The following C10orf71 variants were observed in gnomAD, a reference collection of about 807,000 sequenced individuals.
C10orf71 encodes the protein cardiac-enriched FHL2-interacting protein.
For synonymous variants in C10orf71, 758 were observed against 726.3 expected (o/e 1.04, Z -0.70); for missense variants, 1,869 against 1,804.5 (o/e 1.04, Z -0.65).
chr10:49,322,478 T>C lies in C10orf71; in HGVS notation c.-68T>C. On this transcript the variant is annotated 5_prime_UTR_variant, in exon 3 of 3. It removes the in-frame stop codon of an upstream open reading frame in the 5' UTR. Coordinates refer to ENST00000374144, the MANE Select transcript of C10orf71 (RefSeq NM_001135196.2). Reference sequence around the variant, plus strand: ...TAGTTTTGGGGAAGAGGGAAACACCTAACCTTGACAGAATCATCACCAGAG... The same window carrying C: ...TAGTTTTGGGGAAGAGGGAAACACCCAACCTTGACAGAATCATCACCAGAG... The C allele has an allele frequency of 9.4e-6, 14 of 1,482,098 alleles. No individual in the cohort carries two copies. Among genetic ancestry groups the C allele is most frequent in the Non-Finnish European group, 1.3e-5 (14 of 1,112,170 alleles). The allele number at this position is 1,482,098 out of a possible 1,614,324, so 91.8% of individuals were successfully genotyped here.
chr10:49,307,201 G>A (rs12572137), intron 1 of C10orf71, among the ~76,000 whole-genome samples: 15,277 of 152,178 alleles, frequency 0.1, 883 homozygotes, highest in East Asian at 0.28. Context: ...ACAAGGAGAC[G>A]CCAAGGGCAC....
chr10:49,321,027 C>T (rs1373142833), intron 2 of C10orf71, among the ~76,000 whole-genome samples: 4 of 152,056 alleles, frequency 2.6e-5, no homozygotes, highest in African/African-American at 9.7e-5. Context: ...CACCTCCAAA[C>T]ATTTCCTCCC....
chr10:49,306,722 A>G (rs1848820288), intron 1 of C10orf71, among the ~76,000 whole-genome samples: 1 of 152,190 alleles, frequency 6.6e-6, no homozygotes. Flanking sequence ...TTACTTGCAG[A>G]TGAGAAAGGC....
Position 49,326,601 on chromosome 10 carries a change from C to T in C10orf71, c.4056C>T (p.Ser1352=), listed in dbSNP as rs12415544. Residue 1352 remains serine (S), a synonymous_variant, in exon 3 of 3, where the codon TCC becomes TCT. Coordinates refer to ENST00000374144, the MANE Select transcript of C10orf71 (RefSeq NM_001135196.2). ...CGGCCTTGATGCCGCTGCGCTGCTC[C>T]TCTCAGCTCTCCGCGCCCACCTTCC... The part of the protein sequence containing the change: ...PVTALMPLRC[S]SQLSAPTFLR... 0.054 allele frequency: 83,624 copies of T among 1,550,100 alleles called. 3,073 individuals are homozygous for T. The highest frequency in any genetic ancestry group is 0.23 in the East Asian group (9,309 of 40,882).
chr10:49,314,841 C>T (rs907114993), intron 1 of C10orf71, among the ~76,000 whole-genome samples: 1 of 152,160 alleles, frequency 6.6e-6, no homozygotes, highest in Non-Finnish European at 1.5e-5. Context: ...TTTTCTGTGC[C>T]TCAGTTTGCC....
At chr10:49,301,750 A>C (rs549129048) in intron 1 of C10orf71, among the ~76,000 whole-genome samples, 1 of 152,358 alleles carries the variant, frequency 6.6e-6, no homozygotes, top group Admixed American at 6.5e-5. Flanking sequence ...GCCTGGGGAA[A>C]GTCTGACAGA....
chr10:49,306,803 G>C (rs888527961), intron 1 of C10orf71, among the ~76,000 whole-genome samples: 3 of 152,322 alleles, frequency 2.0e-5, no homozygotes, highest in African/African-American at 7.2e-5. Flanking sequence ...AGCAGCACGA[G>C]GACCTGTGCC....
At chr10:49,298,507 C>T (rs186623617), upstream of C10orf71, among the ~76,000 whole-genome samples, 1 of 152,108 alleles carries the variant, frequency 6.6e-6, no homozygotes, top group Non-Finnish European at 1.5e-5. Flanking sequence ...AGCAGGTGAC[C>T]CCAGCCTGAG....
Position 49,326,197 on chromosome 10 carries a change from C to G in C10orf71, c.3652C>G (p.Gln1218Glu), listed in dbSNP as rs1231422449. The change falls in exon 3 of 3, where the codon CAG (glutamine) becomes GAG (glutamate). Residue 1218 changes from glutamine (Q) to glutamate (E), a missense_variant. By Grantham distance (29) the Gln-to-Glu change is conservative. Coordinates refer to ENST00000374144, the MANE Select transcript of C10orf71 (RefSeq NM_001135196.2). ...KPCPEDLEQT[Q>E]QRPLCPRERP... Reference sequence around the variant, plus strand: ...CTGCCCGGAGGACTTGGAGCAGACACAGCAAAGGCCGCTGTGCCCCAGAGA... The same window carrying G: ...CTGCCCGGAGGACTTGGAGCAGACAGAGCAAAGGCCGCTGTGCCCCAGAGA... 1.3e-6 allele frequency: 2 copies of G among 1,551,424 alleles called. No homozygotes were observed. The highest frequency in any genetic ancestry group is 3.9e-5 in the Admixed American group (2 of 51,006).
chr10:49,326,647 T>C lies in C10orf71; in HGVS notation c.4102T>C (p.Ser1368Pro). ...PTFLRQGPRA[S>P]AARARTQSVH... ...CTTCCTCAGGCAGGGCCCTCGTGCC[T>C]CCGCGGCCCGCGCCAGGACCCAGAG... is the stretch of plus-strand genomic sequence containing the variant. The change falls in exon 3 of 3, where the codon TCC becomes CCC. Residue 1368 changes from serine to proline, a missense_variant. Physicochemically the swap from Ser to Pro is moderately conservative, Grantham distance 74. Coordinates refer to ENST00000374144, the MANE Select transcript of C10orf71 (RefSeq NM_001135196.2). The C allele has an allele frequency of 1.9e-6, 3 of 1,550,162 alleles. No individual in the cohort carries two copies. The highest frequency in any genetic ancestry group is 1.7e-6 in the Non-Finnish European group (2 of 1,146,854).
At chr10:49,314,688 A>G (rs1428575989) in intron 1 of C10orf71, among the ~76,000 whole-genome samples, 1 of 152,130 alleles carries the variant, frequency 6.6e-6, no homozygotes, top group Non-Finnish European at 1.5e-5. Flanking sequence ...CCTCATCCCT[A>G]AGTCAGATCT....
intron 1 of C10orf71, among the ~76,000 whole-genome samples, chr10:49,304,237 G>A (rs974931982): frequency 1.3e-5 from 2 of 152,250 alleles, no homozygotes; most frequent in African/African-American, 2.4e-5. Context: ...GCAGATAGAA[G>A]ACCATCTCAT....
chr10:49,301,988 A>T (rs1401564496), intron 1 of C10orf71, among the ~76,000 whole-genome samples: 1 of 152,048 alleles, frequency 6.6e-6, no homozygotes, highest in African/African-American at 2.4e-5. Context: ...TTCTTTCACT[A>T]CTAACCCCCT....
In C10orf71 at chr10:49,326,962, C is replaced by CACACACAT. The variant is rs66701434; in HGVS notation, c.*109_*110insACACACAT. ...ACACACACACACACACACACACACA[C>CACACACAT]GATCATCAACACATACTTAGCCTTT... is the stretch of plus-strand genomic sequence containing the variant. On this transcript the variant is annotated 3_prime_UTR_variant, in exon 3 of 3. Coordinates refer to ENST00000374144, the MANE Select transcript of C10orf71 (RefSeq NM_001135196.2). The CACACACAT allele has an allele frequency of 2.5e-6, 4 of 1,581,970 alleles. No individual in the cohort carries two copies. Among genetic ancestry groups the CACACACAT allele is most frequent in the Non-Finnish European group, 8.6e-7 (1 of 1,163,570 alleles).
In C10orf71 at chr10:49,324,803, G is replaced by T. The variant is rs755363464; in HGVS notation, c.2258G>T (p.Arg753Leu). The T allele has an allele frequency of 6.4e-7, 1 of 1,552,010 alleles. No homozygotes were observed. The highest frequency in any genetic ancestry group is 1.4e-5 in the African/African-American group (1 of 73,040). Residue 753 changes from arginine to leucine, a missense_variant, in exon 3 of 3, where the codon CGG becomes CTG. Arg to Leu is a moderately radical substitution (Grantham distance 102). Transcript: ENST00000374144. ...AAGATGTGGTTTACTGAGAACCAGC[G>T]GGAAGACAGGAGGAAGGATGTGAGT... ...QQKMWFTENQ[R>L]EDRRKDVSAG...
intron 1 of C10orf71, among the ~76,000 whole-genome samples, chr10:49,312,290 C>T (rs918011747): frequency 6.6e-6 from 1 of 152,164 alleles, no homozygotes; most frequent in Non-Finnish European, 1.5e-5. Flanking sequence ...AAATTCCTGC[C>T]CAGGGATCCT....
chr10:49,326,578 G>A lies in C10orf71; in HGVS notation c.4033G>A (p.Ala1345Thr). ...YPGFQPVPVT[A>T]LMPLRCSSQL... ...CGGCTTCCAGCCAGTGCCCGTGACG[G>A]CCTTGATGCCGCTGCGCTGCTCCTC... The change falls in exon 3 of 3, where the codon GCC becomes ACC. Residue 1345 changes from alanine to threonine, a missense_variant. Transcript: ENST00000374144. 6.4e-7 allele frequency: 1 copy of A among 1,550,586 alleles called. No homozygotes were observed. The highest frequency in any genetic ancestry group is 2.4e-5 in the East Asian group (1 of 40,886).
In C10orf71 at chr10:49,325,935, G is replaced by C. The variant is rs571589333; in HGVS notation, c.3390G>C (p.Ser1130=). The change falls in exon 3 of 3, where the codon TCG becomes TCC. Residue 1130 remains serine (S), a synonymous_variant. Coordinates refer to ENST00000374144, the MANE Select transcript of C10orf71 (RefSeq NM_001135196.2). ...EGGSDPLLEL[S]AEDLRTLSPR... ...GCTCTGACCCCCTACTTGAGCTGTC[G>C]GCAGAAGACCTCCGGACCCTCTCTC... 96 of 1,551,406 alleles carry C rather than the reference G, an allele frequency of 6.2e-5. No individual in the cohort carries two copies. The East Asian group carries it at 1.0e-3, about 17-fold the overall frequency.
chr10:49,326,610 C>T lies in C10orf71; in HGVS notation c.4065C>T (p.Leu1355=), dbSNP rs752183493. 4 of 1,550,254 alleles carry T rather than the reference C, an allele frequency of 2.6e-6. No homozygotes were observed. In the South Asian group the frequency reaches 3.6e-5, roughly 14 times the overall value. ...TGCCGCTGCGCTGCTCCTCTCAGCTCTCCGCGCCCACCTTCCTCAGGCAGG... is the reference window on the plus strand; with the variant it reads ...TGCCGCTGCGCTGCTCCTCTCAGCTTTCCGCGCCCACCTTCCTCAGGCAGG... ...ALMPLRCSSQ[L]SAPTFLRQGP... Residue 1355 remains leucine, a synonymous_variant, in exon 3 of 3, where the codon CTC becomes CTT. Transcript: ENST00000374144.
Sources: allele counts gnomAD v4.1 joint callset (sites outside exome capture counted in the v4.1 genomes callset), GRCh38; gene constraint gnomAD v4.1.1; transcripts MANE v1.5; gene names NCBI Gene and HGNC (gene_info 2026-07-23, HGNC 2026-07-21).